The following MYO16 variants were observed in gnomAD, a reference collection of about 807,000 sequenced individuals.
MYO16 encodes unconventional myosin-XVI.
Under a neutral mutation model 205.3 loss-of-function variants are expected in MYO16, and 94 were observed. That is an observed-to-expected ratio of 0.46 (90% CI 0.39 to 0.54). The LOEUF is 0.54. Ranked by LOEUF, MYO16 falls within the 20% of genes least tolerant of loss-of-function variation. The probability of loss-of-function intolerance (pLI) is 0.00; values close to 1 mark genes in which losing one functional copy is unlikely to be tolerated. For synonymous variants in MYO16, 988 were observed against 954.0 expected (o/e 1.04, Z -0.66); for missense variants, 2,315 against 2,387.5 (o/e 0.97, Z 0.63).
intron 2 of MYO16, among the ~76,000 whole-genome samples, chr13:108,708,990 GC>G (rs1158655882): frequency 3.3e-5 from 5 of 151,460 alleles, no homozygotes; most frequent in Non-Finnish European, 5.9e-5. Flanking sequence ...ATCAAATCAT[GC>G]CCCCCCACCC....
intron 3 of MYO16, among the ~76,000 whole-genome samples, chr13:108,722,832 G>A (rs1009205427): frequency 2.0e-5 from 3 of 152,054 alleles, no homozygotes; most frequent in Non-Finnish European, 4.4e-5. Context: ...CAGGGGATGG[G>A]GCCTCAGTTC....
chr13:109,095,239 C>T (rs953982903), intron 27 of MYO16, among the ~76,000 whole-genome samples: 4 of 152,202 alleles, frequency 2.6e-5, no homozygotes, highest in African/African-American at 9.7e-5. Context: ...TAGGTGTCTT[C>T]AGTGGATTGA....
rs530875739 is a variant in MYO16, at chr13:108,888,896, A to G, written c.1659+419A>G. Among the ~76,000 whole-genome samples the G allele has an allele frequency of 1.1e-4, 17 of 152,200 alleles. No homozygotes were observed. The East Asian group carries it at 1.9e-3, about 17-fold the overall frequency. On this transcript the variant is annotated intron_variant, in intron 14 of 34. Coordinates refer to ENST00000457511, the MANE Select transcript of MYO16 (RefSeq NM_001198950.3). ...ATTGTGAAACCTCGTCTCTACTAAAAATACAAAAATTAGCCAGGAGTGGTG... is the reference window on the plus strand; with the variant it reads ...ATTGTGAAACCTCGTCTCTACTAAAGATACAAAAATTAGCCAGGAGTGGTG...
At chr13:108,613,668 G>A (rs1430230945) in intron 1 of MYO16, among the ~76,000 whole-genome samples, 3 of 152,064 alleles carry the variant, frequency 2.0e-5, no homozygotes, top group Non-Finnish European at 4.4e-5. Flanking sequence ...GACCAAGTTG[G>A]ACTTATCCCA....
rs546579048 is a variant in MYO16 at position 108,600,909 on chromosome 13, T to C, written c.-39+4670T>C. Reference sequence around the variant, plus strand: ...CTTTATATTTTCCAGCAGGTCTTATTGAAAATGGGCTTATTTTTATGCCAC... The same window carrying C: ...CTTTATATTTTCCAGCAGGTCTTATCGAAAATGGGCTTATTTTTATGCCAC... On this transcript the variant is annotated intron_variant, in intron 1 of 24. Coordinates refer to the MYO16 transcript ENST00000251041. 1.2e-4 allele frequency among the ~76,000 whole-genome samples: 18 copies of C among 152,326 alleles called. No individual in the cohort carries two copies. In the South Asian group the frequency reaches 3.7e-3, roughly 32 times the overall value.
intron 7 of MYO16, among the ~76,000 whole-genome samples, chr13:108,813,570 C>T (rs1887360294): frequency 6.6e-6 from 1 of 152,116 alleles, no homozygotes; most frequent in African/African-American, 2.4e-5. Flanking sequence ...TTTAGCCACA[C>T]TGAAATACAA....
At chr13:108,953,736 CAT>C (rs371233716) in intron 16 of MYO16, among the ~76,000 whole-genome samples, 4 of 152,086 alleles carry the variant, frequency 2.6e-5, no homozygotes, top group Admixed American at 6.6e-5. Flanking sequence ...AAAAAATAAA[CAT>C]GTAGTTTTTT....
the MYO16 span, among the ~76,000 whole-genome samples, chr13:108,517,075 A>G: frequency 6.6e-6 from 1 of 152,140 alleles, no homozygotes; most frequent in South Asian, 2.1e-4. Flanking sequence ...GACTGTAGGC[A>G]TGCACCACTA....
intron 14 of MYO16, among the ~76,000 whole-genome samples, chr13:108,894,837 CTGTTT>C (rs1313444708): frequency 8.5e-5 from 13 of 152,178 alleles, no homozygotes; most frequent in African/African-American, 2.9e-4. Flanking sequence ...TTAGGAAGGG[CTGTTT>C]TGTTTCTAAC....
Position 109,123,330 on chromosome 13 carries a change from G to A in MYO16, c.3536-1782G>A, listed in dbSNP as rs1876082427. Among the ~76,000 whole-genome samples the A allele has an allele frequency of 3.3e-5, 5 of 152,344 alleles. No homozygotes were observed. In the South Asian group the frequency reaches 1.0e-3, roughly 32 times the overall value. ...AGTGAATCCAGTGAATAGCTGTGCT[G>A]TAGTGGGAGGTCAGGAGAAGTCTGG... On this transcript the variant is annotated intron_variant, in intron 29 of 34. Transcript: ENST00000457511.
chr13:109,110,916 G>T (rs1889264602), intron 28 of MYO16, among the ~76,000 whole-genome samples: 1 of 152,098 alleles, frequency 6.6e-6, no homozygotes. Flanking sequence ...GTGCCCTGCT[G>T]GTATGAAGAA....
chr13:108,796,562 G>A (rs527504312), intron 6 of MYO16, among the ~76,000 whole-genome samples: 20 of 152,230 alleles, frequency 1.3e-4, no homozygotes, highest in Non-Finnish European at 2.8e-4. Context: ...TGTGGCACAT[G>A]TACACCATGG....
upstream of MYO16, among the ~76,000 whole-genome samples, chr13:108,594,638 T>C (rs188654198): frequency 2.4e-4 from 36 of 152,326 alleles, no homozygotes; most frequent in African/African-American, 8.2e-4. Flanking sequence ...GATGCGGCAC[T>C]TCGGTGCTGG....
chr13:108,744,004 T>G (rs1194742764), intron 4 of MYO16, among the ~76,000 whole-genome samples: 2 of 152,262 alleles, frequency 1.3e-5, no homozygotes, highest in East Asian at 3.8e-4. Flanking sequence ...GGTGATACCC[T>G]TTCGTAGAGA....
chr13:109,048,573 C>T (rs1421820487), intron 24 of MYO16: 2 of 382,388 alleles, frequency 5.2e-6, no homozygotes, highest in Non-Finnish European at 9.5e-6. Context: ...CAAAAACAGG[C>T]AGTGGGCCAT....
chr13:108,753,370 C>CAAAAAAAAAAAAAAAAAAAAAAAAAAAAA (rs534466420), intron 4 of MYO16, among the ~76,000 whole-genome samples: 4 of 111,782 alleles, frequency 3.6e-5, no homozygotes, highest in African/African-American at 1.5e-4. Context: ...AACTCTGTGA[C>CAAAAAAAAAAAAAAAAAAAAAAAAAAAAA]AAAAAAAAAA....
chr13:108,578,128 G>A, the MYO16 span, among the ~76,000 whole-genome samples: 1 of 152,124 alleles, frequency 6.6e-6, no homozygotes, highest in East Asian at 1.9e-4. Flanking sequence ...CCAATATCAA[G>A]CTTGGCTTTA....
chr13:108,800,835 A>T (rs909016689), intron 6 of MYO16, among the ~76,000 whole-genome samples: 4 of 152,202 alleles, frequency 2.6e-5, no homozygotes, highest in Non-Finnish European at 5.9e-5. Flanking sequence ...ATAATATTTA[A>T]CATTTTACAT....
intron 1 of MYO16, among the ~76,000 whole-genome samples, chr13:108,609,168 T>C (rs1157506291): frequency 6.6e-6 from 1 of 152,088 alleles, no homozygotes; most frequent in Non-Finnish European, 1.5e-5. Context: ...TCCCTGGAAG[T>C]TTCCTCCTCA....
Sources: allele counts gnomAD v4.1 joint callset (sites outside exome capture counted in the v4.1 genomes callset), GRCh38; gene constraint gnomAD v4.1.1; transcripts MANE v1.5; gene names NCBI Gene and HGNC (gene_info 2026-07-23, HGNC 2026-07-21).